PHACTR3: variants seen among roughly 807,000 people sequenced by gnomAD.
The protein encoded by PHACTR3 is phosphatase and actin regulator 3.
PHACTR3 carries 16 observed loss-of-function variants against 66.8 expected under a neutral mutation model. That is an observed-to-expected ratio of 0.24 (90% CI 0.16 to 0.36). PHACTR3 has a LOEUF of 0.36. Ranked by LOEUF, PHACTR3 falls within the 10% of genes least tolerant of loss-of-function variation. The probability of loss-of-function intolerance (pLI) is 1.00; values close to 1 mark genes in which losing one functional copy is unlikely to be tolerated. For missense variants in PHACTR3, 647 were observed against 719.9 expected (o/e 0.90, Z 1.16); for synonymous variants, 323 against 292.1 (o/e 1.11, Z -1.08).
chr20:59,729,599 T>A (rs1008700112), intron 1 of PHACTR3, among the ~76,000 whole-genome samples: 1 of 152,082 alleles, frequency 6.6e-6, no homozygotes, highest in African/African-American at 2.4e-5. Flanking sequence ...CAGCCATGGG[T>A]GACCTTTAAG....
chr20:59,700,332 A>G (rs1455578539), intron 1 of PHACTR3, among the ~76,000 whole-genome samples: 2 of 151,582 alleles, frequency 1.3e-5, no homozygotes, highest in South Asian at 2.1e-4. Context: ...GCTACCTCGA[A>G]TAATCTTTTA....
intron 1 of PHACTR3, among the ~76,000 whole-genome samples, chr20:59,627,237 G>A (rs555376226): frequency 7.9e-5 from 12 of 152,312 alleles, no homozygotes; most frequent in East Asian, 5.8e-4. Flanking sequence ...GGAAATGCAC[G>A]TGTGTGGGTT....
At chr20:59,715,677 T>C (rs1231078645) in intron 1 of PHACTR3, among the ~76,000 whole-genome samples, 1 of 152,212 alleles carries the variant, frequency 6.6e-6, no homozygotes, top group African/African-American at 2.4e-5. Flanking sequence ...CTGACACTTG[T>C]GTAAGACTGG....
upstream of PHACTR3, chr20:59,604,534 G>C: frequency 1.4e-6 from 1 of 724,220 alleles, no homozygotes; most frequent in Non-Finnish European, 1.7e-6. Context: ...TCCAAGAACA[G>C]CTTTCAGATT....
intron 8 of PHACTR3, among the ~76,000 whole-genome samples, chr20:59,813,892 AC>A (rs1408540125): frequency 6.6e-6 from 1 of 152,192 alleles, no homozygotes; most frequent in Non-Finnish European, 1.5e-5. Context: ...TCCCAGTGGC[AC>A]AGCCTCGCCA....
At chr20:59,682,503 C>T (rs188753212) in intron 1 of PHACTR3, among the ~76,000 whole-genome samples, 159 of 152,250 alleles carry the variant, frequency 1.0e-3, no homozygotes, top group African/African-American at 3.4e-3. Context: ...GGACAATGAA[C>T]GGCACCTATA....
At chr20:59,785,051 G>T (rs1191127636) in intron 7 of PHACTR3, among the ~76,000 whole-genome samples, 2 of 152,158 alleles carry the variant, frequency 1.3e-5, no homozygotes, top group Non-Finnish European at 2.9e-5. Context: ...ACAGGGAGGG[G>T]CCATGAGGAG....
chr20:59,816,872 G>A (rs1185105072), intron 8 of PHACTR3, among the ~76,000 whole-genome samples: 1 of 152,182 alleles, frequency 6.6e-6, no homozygotes, highest in Admixed American at 6.5e-5. Flanking sequence ...TGGAGAGACA[G>A]CTGGATGAAT....
chr20:59,631,260 A>G (rs1017523022), intron 1 of PHACTR3, among the ~76,000 whole-genome samples: 1 of 152,206 alleles, frequency 6.6e-6, no homozygotes, highest in African/African-American at 2.4e-5. Flanking sequence ...CTATGTGCAT[A>G]CATGTCACTG....
chr20:59,617,586 G>A (rs565893423), intron 1 of PHACTR3, among the ~76,000 whole-genome samples: 1 of 151,478 alleles, frequency 6.6e-6, no homozygotes, highest in Non-Finnish European at 1.5e-5. Flanking sequence ...TTTGCATCTT[G>A]CCTGGTGAAA....
chr20:59,681,965 G>A (rs907207751), intron 1 of PHACTR3, among the ~76,000 whole-genome samples: 4 of 151,140 alleles, frequency 2.6e-5, no homozygotes, highest in Admixed American at 6.6e-5. Flanking sequence ...AGCAGAGATC[G>A]TGCCATTGCA....
At chr20:59,825,190 G>A (rs2042150963) in intron 8 of PHACTR3, among the ~76,000 whole-genome samples, 1 of 152,210 alleles carries the variant, frequency 6.6e-6, no homozygotes, top group South Asian at 2.1e-4. Flanking sequence ...GTCCTGGGTT[G>A]GCACACATAC....
chr20:59,676,152 G>T (rs2036441543), intron 1 of PHACTR3, among the ~76,000 whole-genome samples: 1 of 152,248 alleles, frequency 6.6e-6, no homozygotes, highest in Non-Finnish European at 1.5e-5. Flanking sequence ...GGTCATTGTG[G>T]TAGGGAAGGA....
chr20:59,621,276 T>C (rs1197278545), intron 1 of PHACTR3, among the ~76,000 whole-genome samples: 4 of 152,220 alleles, frequency 2.6e-5, no homozygotes, highest in Non-Finnish European at 4.4e-5. Context: ...CCAGTGCACA[T>C]AGACTGATGT....
intron 1 of PHACTR3, among the ~76,000 whole-genome samples, chr20:59,658,516 C>A (rs1191644496): frequency 6.6e-6 from 1 of 152,204 alleles, no homozygotes; most frequent in African/African-American, 2.4e-5. Flanking sequence ...GTGTTTATTT[C>A]TACCCACAGT....
chr20:59,580,551 T>C (rs1209693904), intron 1 of PHACTR3, among the ~76,000 whole-genome samples: 1 of 152,026 alleles, frequency 6.6e-6, no homozygotes, highest in Non-Finnish European at 1.5e-5. Context: ...AGTGGGTTAT[T>C]TCTGCACTAA....
At chr20:59,672,995 G>T (rs778664225) in intron 1 of PHACTR3, among the ~76,000 whole-genome samples, 73 of 152,326 alleles carry the variant, frequency 4.8e-4, no homozygotes, top group Non-Finnish European at 7.6e-4. Flanking sequence ...GAGCCCAGAG[G>T]AGTTGCCTGC....
At chr20:59,682,025 AAAG>A in intron 1 of PHACTR3, among the ~76,000 whole-genome samples, 12 of 142,262 alleles carry the variant, frequency 8.4e-5, no homozygotes, top group South Asian at 2.2e-4. Context: ...AAAAAAAAAG[AAAG>A]AAAGAAAGAA....
At chr20:59,716,206 TTGTGTGTGTG>T (rs201782505) in intron 1 of PHACTR3, among the ~76,000 whole-genome samples, 22,229 of 128,466 alleles carry the variant, frequency 0.17, 2,167 homozygotes, top group African/African-American at 0.22. Context: ...CCTTCACCCT[TTGTGTGTGTG>T]TGTGTGTGTG....
Sources: gnomAD v4.1 joint callset for allele counts (sites outside exome capture counted in the v4.1 genomes callset) on GRCh38, gnomAD v4.1.1 for gene constraint, MANE v1.5 for transcripts, NCBI Gene and HGNC (gene_info 2026-07-23, HGNC 2026-07-21) for gene names.